The following SIN3B variants were observed in gnomAD, a reference collection of about 807,000 sequenced individuals.
SIN3B encodes the protein SIN3 transcription regulator family member B.
Under a neutral mutation model 120.2 loss-of-function variants are expected in SIN3B, and 19 were observed. The observed-to-expected ratio is 0.16, with a 90% CI of 0.11 to 0.23. The LOEUF (loss-of-function observed/expected upper bound fraction) is 0.23, where lower values mean the gene tolerates loss of function less well. Among genes scored for constraint, SIN3B ranks in the 10% least tolerant of loss-of-function variants. SIN3B has a pLI of 1.00. For synonymous variants in SIN3B, 654 were observed against 653.2 expected (o/e 1.00, Z -0.02); for missense variants, 1,073 against 1,573.0 (o/e 0.68, Z 5.38).
At chr19:16,875,410 G>A (rs928418672) in intron 14 of SIN3B, among the ~76,000 whole-genome samples, 1 of 140,296 alleles carries the variant, frequency 7.1e-6, no homozygotes, top group African/African-American at 2.7e-5. Flanking sequence ...GTCTGGTTTG[G>A]TCTGGTCTGG....
At chr19:16,863,030 T>TA (rs1306549536) in intron 9 of SIN3B, 21 of 1,389,422 alleles carry the variant, frequency 1.5e-5, no homozygotes, top group Non-Finnish European at 2.1e-5. Flanking sequence ...TGTTTGTAAA[T>TA]AAAGTTTTAC....
chr19:16,829,980 C>T, intron 2 of SIN3B, 83 bp downstream of exon 2: 1 of 894,274 alleles, frequency 1.1e-6, no homozygotes, highest in Non-Finnish European at 1.9e-6. Context: ...CCCTCTCCAG[C>T]CTGCCCCCTT....
At chr19:16,867,882 C>T (rs1971800236) in intron 12 of SIN3B, among the ~76,000 whole-genome samples, 1 of 152,170 alleles carries the variant, frequency 6.6e-6, no homozygotes, top group Non-Finnish European at 1.5e-5. Flanking sequence ...GCCCAAGACC[C>T]CGTATAGGTT....
At chr19:16,836,803 C>T (rs534492772) in intron 3 of SIN3B, among the ~76,000 whole-genome samples, 44 of 152,304 alleles carry the variant, frequency 2.9e-4, no homozygotes, top group African/African-American at 9.6e-4. Context: ...CAGCTCCTAA[C>T]TTAAGCAGCC....
rs574247125 is a variant in SIN3B at position 16,844,462 on chromosome 19, A to G, written c.582+2494A>G. Among the ~76,000 whole-genome samples, 12 of 152,332 alleles carry G rather than the reference A, an allele frequency of 7.9e-5. No homozygotes were observed. The South Asian group carries it at 2.5e-3, about 32-fold the overall frequency. On this transcript the variant is annotated intron_variant, in intron 4 of 18. Transcript: ENST00000248054. ...GTTCAGTGAGGTTAACTGAGCAACC[A>G]GTTCAGGCACAAGCCTGCCTCAGGT...
chr19:16,845,703 A>G lies in SIN3B; in HGVS notation c.583-1267A>G, dbSNP rs748535697. ...AAATTGTTTCTTTAAACATCAGTCA[A>G]TTTGGTCATTGTTTCTTTTCTTCTT... On this transcript the variant is annotated intron_variant, in intron 4 of 18. Coordinates refer to ENST00000248054, the MANE Select transcript of SIN3B (RefSeq NM_001297595.2). 7.2e-5 allele frequency among the ~76,000 whole-genome samples: 11 copies of G among 152,114 alleles called. No individual in the cohort carries two copies. In the East Asian group the frequency reaches 7.7e-4, roughly 11 times the overall value.
chr19:16,833,898 G>T (rs1971311633), intron 3 of SIN3B, among the ~76,000 whole-genome samples: 1 of 151,582 alleles, frequency 6.6e-6, no homozygotes, highest in Non-Finnish European at 1.5e-5. Context: ...TAATTTTTTT[G>T]TATTTTTAGT....
chr19:16,835,553 A>G (rs1375610355), intron 3 of SIN3B, among the ~76,000 whole-genome samples: 1 of 133,900 alleles, frequency 7.5e-6, no homozygotes, highest in Non-Finnish European at 1.6e-5. Flanking sequence ...ACACCATTTC[A>G]CTGTCACCCA....
chr19:16,872,073 G>A (rs1007270660), intron 14 of SIN3B, among the ~76,000 whole-genome samples: 4 of 152,104 alleles, frequency 2.6e-5, no homozygotes, highest in East Asian at 1.9e-4. Context: ...AACAGCAGAC[G>A]TCCCAGACGA....
chr19:16,873,520 CCT>C (rs1241614294), intron 14 of SIN3B, among the ~76,000 whole-genome samples: 20 of 121,268 alleles, frequency 1.6e-4, no homozygotes, highest in African/African-American at 6.2e-4. Context: ...CAGTCTGTCC[CCT>C]CCCCCCCCCC....
At chr19:16,835,904 G>A (rs889987754) in intron 3 of SIN3B, among the ~76,000 whole-genome samples, 3 of 152,046 alleles carry the variant, frequency 2.0e-5, no homozygotes, top group Non-Finnish European at 4.4e-5. Flanking sequence ...GCCTCCCAAA[G>A]TTTTGGGATT....
chr19:16,846,387 G>A (rs902570693), intron 4 of SIN3B: 1 of 152,244 alleles, frequency 6.6e-6, no homozygotes, highest in African/African-American at 2.4e-5. Context: ...CATATTATCC[G>A]GGAGGCTCCG....
chr19:16,856,450 C>T (rs1971615764), intron 8 of SIN3B, among the ~76,000 whole-genome samples: 1 of 152,028 alleles, frequency 6.6e-6, no homozygotes, highest in Admixed American at 6.6e-5. Flanking sequence ...CAGGGCCCTT[C>T]AAATACAATA....
In SIN3B at chr19:16,876,272, C is replaced by A; in HGVS notation, c.2766+44C>A. 2 of 1,574,254 alleles carry A rather than the reference C, an allele frequency of 1.3e-6. No individual in the cohort carries two copies. The highest frequency in any genetic ancestry group is 2.7e-5 in the African/African-American group (2 of 74,456). Reference sequence around the variant, plus strand: ...CTGGGAACACGCCGGGAGGCCCGGCCGCTCACTCCGCTCTGGACTCAGTCC... The same window carrying A: ...CTGGGAACACGCCGGGAGGCCCGGCAGCTCACTCCGCTCTGGACTCAGTCC... On this transcript the variant is annotated intron_variant, in intron 15 of 18. Coordinates refer to ENST00000248054, the MANE Select transcript of SIN3B (RefSeq NM_001297595.2). The surrounding 1 kb of genome is among the most constrained non-coding windows in gnomAD (Gnocchi z 7.1).
At chr19:16,854,003 G>A in intron 7 of SIN3B, 140 bp from the exon 8 acceptor site, 1 of 632,254 alleles carries the variant, frequency 1.6e-6, no homozygotes, top group Non-Finnish European at 2.8e-6. Flanking sequence ...TGGGCTGTGT[G>A]AATTGCAGCA....
intron 10 of SIN3B, 78 bp from the exon 11 acceptor site, chr19:16,865,332 T>C: frequency 9.9e-6 from 5 of 506,010 alleles, no homozygotes; most frequent in East Asian, 4.3e-5. Context: ...AATCCTCTGG[T>C]CTCTGAGGTC....
chr19:16,857,966 T>A (rs1038186806), intron 8 of SIN3B, among the ~76,000 whole-genome samples: 1 of 152,156 alleles, frequency 6.6e-6, no homozygotes. Context: ...AACCTCTGTC[T>A]CCCAGGTTCA....
At chr19:16,840,895 T>A (rs1195706192) in intron 3 of SIN3B, among the ~76,000 whole-genome samples, 1 of 151,960 alleles carries the variant, frequency 6.6e-6, no homozygotes, top group Non-Finnish European at 1.5e-5. Flanking sequence ...CGGAGAAAAA[T>A]GCAGGAGTGC....
chr19:16,854,113 C>A, intron 7 of SIN3B, 30 bp from the exon 8 acceptor site: 1 of 1,558,294 alleles, frequency 6.4e-7, no homozygotes, highest in South Asian at 1.1e-5. Context: ...AGCAGGGGTT[C>A]ACAGTGGTCC....
Sources: gnomAD v4.1 joint callset for allele counts (sites outside exome capture counted in the v4.1 genomes callset) on GRCh38, gnomAD v4.1.1 for gene constraint, Gnocchi (gnomAD v3.1) non-coding constraint, MANE v1.5 for transcripts, NCBI Gene and HGNC (gene_info 2026-07-23, HGNC 2026-07-21) for gene names.